The following LIMS1 variants were observed in gnomAD, a reference collection of about 807,000 sequenced individuals.
LIMS1 encodes the protein LIM zinc finger domain containing 1, also known as LIM and senescent cell antigen-like-containing domain protein 1.
A neutral mutation model predicts 44.1 loss-of-function variants in LIMS1; 18 were observed. The observed-to-expected ratio is 0.41, with a 90% confidence interval of 0.28 to 0.61. The LOEUF (loss-of-function observed/expected upper bound fraction) is 0.61. LIMS1 is among the 20% of genes least tolerant of loss of function. The pLI is 0.32. For missense variants in LIMS1, 201 were observed against 422.0 expected (o/e 0.48, Z 4.59); for synonymous variants, 93 against 149.1 (o/e 0.62, Z 2.74).
At chr2:108,600,397 C>A (rs1558803644) in intron 1 of LIMS1, among the ~76,000 whole-genome samples, 2 of 152,028 alleles carry the variant, frequency 1.3e-5, no homozygotes, top group Non-Finnish European at 2.9e-5. Context: ...TGCATTTTTG[C>A]TTTGGTTGCC....
intron 1 of LIMS1, among the ~76,000 whole-genome samples, chr2:108,583,710 T>TTTTTTTTTTTTTTG (rs1685983619): frequency 6.7e-6 from 1 of 149,710 alleles, no homozygotes; most frequent in Non-Finnish European, 1.5e-5. Context: ...CTTTTTTTTT[T>TTTTTTTTTTTTTTG]TTTTGAGATG....
chr2:108,555,973 T>G (rs1042959768), intron 1 of LIMS1, among the ~76,000 whole-genome samples: 16 of 149,330 alleles, frequency 1.1e-4, no homozygotes, highest in African/African-American at 1.5e-4. Flanking sequence ...ATTATCCTGG[T>G]TTTTTTTTTC....
intron 1 of LIMS1, among the ~76,000 whole-genome samples, chr2:108,604,284 A>G (rs1687158575): frequency 6.6e-6 from 1 of 152,210 alleles, no homozygotes; most frequent in African/African-American, 2.4e-5. Context: ...TTCAAATTTC[A>G]GTGTTCATAA....
intron 1 of LIMS1, among the ~76,000 whole-genome samples, chr2:108,542,758 C>A (rs998717842): frequency 6.6e-6 from 1 of 152,160 alleles, no homozygotes; most frequent in Non-Finnish European, 1.5e-5. Context: ...CCAAGTCTTA[C>A]AACTCAAGTC....
intron 1 of LIMS1, among the ~76,000 whole-genome samples, chr2:108,549,350 A>G (rs933419545): frequency 1.7e-5 from 2 of 117,420 alleles, no homozygotes; most frequent in Non-Finnish European, 3.2e-5. Flanking sequence ...GCTGGAGTGT[A>G]GTGGCATGAT....
At chr2:108,678,252 T>C (rs1692708846) in intron 8 of LIMS1, among the ~76,000 whole-genome samples, 1 of 152,230 alleles carries the variant, frequency 6.6e-6, no homozygotes, top group Non-Finnish European at 1.5e-5. Flanking sequence ...ACTGCTGCAG[T>C]GTTGTATGCC....
At chr2:108,574,007 G>T (rs535508798) in intron 1 of LIMS1, among the ~76,000 whole-genome samples, 61 of 151,966 alleles carry the variant, frequency 4.0e-4, no homozygotes, top group Non-Finnish European at 7.9e-4. Context: ...CACTCTCCAT[G>T]TTCTTGGTTT....
intron 1 of LIMS1, among the ~76,000 whole-genome samples, chr2:108,642,358 G>T (rs796793112): frequency 0.41 from 7,190 of 17,694 alleles, 779 homozygotes; most frequent in African/African-American, 0.49. Flanking sequence ...TTTTTTTTTT[G>T]TTTTTTGTTT....
chr2:108,542,324 C>G (rs1684341764), intron 1 of LIMS1, among the ~76,000 whole-genome samples: 1 of 152,332 alleles, frequency 6.6e-6, no homozygotes, highest in African/African-American at 2.4e-5. Flanking sequence ...ACCACCTTCT[C>G]TTAATTACCT....
chr2:108,637,095 A>G (rs1689311829), intron 1 of LIMS1, among the ~76,000 whole-genome samples: 2 of 81,436 alleles, frequency 2.5e-5, no homozygotes, highest in Non-Finnish European at 2.5e-5. Context: ...CAAAATATAC[A>G]TATATGTGTG....
At position 108,650,674 on chromosome 2, in the gene LIMS1, C is replaced by T. The variant is rs1445546943; in HGVS notation, c.33-8931C>T. ...CTCCTGACCTCAGGTGATCCACCCGCCTCGGCCTCCCAAAGTGCAGGGATT... is the reference window on the plus strand; with the variant it reads ...CTCCTGACCTCAGGTGATCCACCCGTCTCGGCCTCCCAAAGTGCAGGGATT... On this transcript the variant is annotated intron_variant, in intron 1 of 9. Coordinates refer to ENST00000544547, the Ensembl canonical transcript of LIMS1. Among the ~76,000 whole-genome samples the T allele has an allele frequency of 2.0e-5, 3 of 152,140 alleles. 1 individual carries two copies. Among genetic ancestry groups the T allele is most frequent in the Admixed American group, 2.0e-4 (3 of 15,282 alleles).
intron 1 of LIMS1, among the ~76,000 whole-genome samples, chr2:108,560,819 A>C (rs1271832902): frequency 1.3e-5 from 2 of 152,206 alleles, no homozygotes; most frequent in African/African-American, 4.8e-5. Flanking sequence ...CTGTTAGTGT[A>C]CCCAGTTAAT....
chr2:108,562,699 CAG>C (rs1282586159), intron 1 of LIMS1, among the ~76,000 whole-genome samples: 1 of 152,196 alleles, frequency 6.6e-6, no homozygotes, highest in African/African-American at 2.4e-5. Flanking sequence ...GGTGAAGCAG[CAG>C]GTGCTGATGT....
chr2:108,657,834 G>C (rs1422875359), intron 1 of LIMS1: 1 of 152,302 alleles, frequency 6.6e-6, no homozygotes, highest in African/African-American at 2.4e-5. Context: ...TCTGCACGCA[G>C]TTATTTATGG....
intron 1 of LIMS1, among the ~76,000 whole-genome samples, chr2:108,589,257 A>C (rs1686258022): frequency 6.6e-6 from 1 of 152,148 alleles, no homozygotes; most frequent in South Asian, 2.1e-4. Context: ...ACAATGTGAT[A>C]TTTTGGTTCA....
intron 1 of LIMS1, among the ~76,000 whole-genome samples, chr2:108,622,703 G>A (rs1200105761): frequency 1.3e-5 from 2 of 152,246 alleles, no homozygotes; most frequent in East Asian, 3.9e-4. Context: ...TAACCAGATA[G>A]ACAATTGGAA....
At chr2:108,553,672 C>T (rs1684832312) in intron 1 of LIMS1, among the ~76,000 whole-genome samples, 1 of 152,178 alleles carries the variant, frequency 6.6e-6, no homozygotes, top group South Asian at 2.1e-4. Flanking sequence ...ACAGGAAATT[C>T]CAAATTGCAG....
At chr2:108,636,098 G>T (rs1689228596) in intron 1 of LIMS1, among the ~76,000 whole-genome samples, 1 of 152,210 alleles carries the variant, frequency 6.6e-6, no homozygotes, top group Non-Finnish European at 1.5e-5. Flanking sequence ...AAGAGTATAG[G>T]AATAGCCGCT....
chr2:108,674,261 C>T (rs1450823214), intron 5 of LIMS1, among the ~76,000 whole-genome samples: 3 of 151,600 alleles, frequency 2.0e-5, no homozygotes, highest in East Asian at 1.9e-4. Flanking sequence ...ACCCGGAAGG[C>T]GGAGGTTGCA....
Sources: allele counts gnomAD v4.1 joint callset (sites outside exome capture counted in the v4.1 genomes callset), GRCh38; gene constraint gnomAD v4.1.1; transcripts MANE v1.5; gene names NCBI Gene and HGNC (gene_info 2026-07-23, HGNC 2026-07-21).